SPATA16: variants seen among roughly 807,000 people sequenced by gnomAD.
SPATA16 encodes spermatogenesis associated 16.
Under a neutral mutation model 63.3 loss-of-function variants are expected in SPATA16, and 36 were observed. The observed-to-expected ratio is 0.57, with a 90% CI of 0.44 to 0.75. SPATA16 has a LOEUF of 0.75. Among genes scored for constraint, SPATA16 ranks in the 30% least tolerant of loss-of-function variants. The probability of loss-of-function intolerance (pLI) is 0.00; values close to 1 mark genes in which losing one functional copy is unlikely to be tolerated. For synonymous variants in SPATA16, 203 were observed against 216.7 expected, an observed-to-expected ratio of 0.94 and a Z score of 0.56; for missense variants, 646 against 679.3, an observed-to-expected ratio of 0.95 and a Z score of 0.54.
At chr3:173,099,597 T>C (rs1737442795) in intron 2 of SPATA16, among the ~76,000 whole-genome samples, 1 of 152,116 alleles carries the variant, frequency 6.6e-6, no homozygotes, top group South Asian at 2.1e-4. Context: ...GGTTGGAGAA[T>C]AGGGATAGAA....
chr3:173,004,378 T>C (rs770477098), intron 4 of SPATA16, among the ~76,000 whole-genome samples: 1 of 151,490 alleles, frequency 6.6e-6, no homozygotes, highest in East Asian at 1.9e-4. Flanking sequence ...TCAGGAATAA[T>C]TGAAATATCA....
At chr3:172,902,979 A>G (rs932282158) in intron 10 of SPATA16, among the ~76,000 whole-genome samples, 5 of 152,236 alleles carry the variant, frequency 3.3e-5, no homozygotes, top group African/African-American at 1.2e-4. Context: ...TGAATACACT[A>G]CAAATGACTG....
chr3:173,043,647 C>G (rs1338032941), intron 3 of SPATA16, among the ~76,000 whole-genome samples: 1 of 151,646 alleles, frequency 6.6e-6, no homozygotes, highest in Non-Finnish European at 1.5e-5. Context: ...ATATAATAGT[C>G]TTTTATATTT....
intron 5 of SPATA16, among the ~76,000 whole-genome samples, chr3:172,964,407 A>G (rs891494768): frequency 1.3e-5 from 2 of 152,226 alleles, no homozygotes; most frequent in Non-Finnish European, 2.9e-5. Flanking sequence ...ACTCAGAGTT[A>G]CAAGTGTGGG....
At chr3:173,051,178 A>G (rs893309283) in intron 2 of SPATA16, among the ~76,000 whole-genome samples, 1 of 152,110 alleles carries the variant, frequency 6.6e-6, no homozygotes, top group African/African-American at 2.4e-5. Context: ...TTATATTAAC[A>G]TTCCAGATCT....
At chr3:173,082,864 A>C (rs987533750) in intron 2 of SPATA16, among the ~76,000 whole-genome samples, 1 of 152,048 alleles carries the variant, frequency 6.6e-6, no homozygotes, top group East Asian at 1.9e-4. Flanking sequence ...CAGTCATCCA[A>C]GTTTTTTTTT....
At chr3:173,099,690 T>C (rs867691781) in intron 2 of SPATA16, among the ~76,000 whole-genome samples, 7 of 152,146 alleles carry the variant, frequency 4.6e-5, no homozygotes, top group Non-Finnish European at 1.0e-4. Flanking sequence ...GAAAGAGTAA[T>C]TTAAAATGGA....
intron 6 of SPATA16, among the ~76,000 whole-genome samples, chr3:172,949,199 T>A (rs1186567934): frequency 6.6e-6 from 1 of 151,942 alleles, no homozygotes; most frequent in Non-Finnish European, 1.5e-5. Flanking sequence ...TGTGATACCA[T>A]AGAATGTTTT....
chr3:172,976,206 A>T lies in SPATA16; in HGVS notation c.933+762T>A, dbSNP rs146344414. Among the ~76,000 whole-genome samples the T allele has an allele frequency of 4.7e-4, 72 of 152,232 alleles. No homozygotes were observed. In the East Asian group the frequency reaches 0.014, roughly 29 times the overall value. ...ATGTGGACTCATCAGAAACAATGGG[A>T]TGGAAGTTTTAAGGGAGTAGAAATT... On this transcript the variant is annotated intron_variant, in intron 5 of 10. Transcript: ENST00000351008.
Position 173,002,181 on chromosome 3 carries a change from C to T in SPATA16, c.848+17305G>A, listed in dbSNP as rs140058754. On this transcript the variant is annotated intron_variant, in intron 4 of 10. Transcript: ENST00000351008. ...ATTGGGAGTTTTTTATGCTTGGTTC[C>T]TGCATCTAATAGACATTTTTAAATA... Among the ~76,000 whole-genome samples, 123 of 152,076 alleles carry T rather than the reference C, an allele frequency of 8.1e-4. 1 individual carries two copies. Among genetic ancestry groups the T allele is most frequent in the African/African-American group, 2.9e-3 (120 of 41,466 alleles).
chr3:173,028,040 TTC>T (rs1439324553), intron 3 of SPATA16, among the ~76,000 whole-genome samples: 5 of 109,824 alleles, frequency 4.6e-5, no homozygotes, highest in African/African-American at 1.8e-4. Flanking sequence ...CCTTCCTTCC[TTC>T]CTTCCTTCCT....
intron 10 of SPATA16, among the ~76,000 whole-genome samples, chr3:172,897,056 G>T (rs1307191899): frequency 2.6e-5 from 4 of 151,964 alleles, no homozygotes. Flanking sequence ...TTTTGTAGAA[G>T]TTTTATAGTT....
At chr3:172,974,172 AGTAAATATAGACGT>A (rs1313457168) in intron 5 of SPATA16, among the ~76,000 whole-genome samples, 1 of 152,168 alleles carries the variant, frequency 6.6e-6, no homozygotes, top group Non-Finnish European at 1.5e-5. Flanking sequence ...CATGTATAAG[AGTAAATATAGACGT>A]GTTCTCAAAT....
At chr3:173,090,248 A>G (rs1737190377) in intron 2 of SPATA16, among the ~76,000 whole-genome samples, 1 of 152,034 alleles carries the variant, frequency 6.6e-6, no homozygotes, top group East Asian at 1.9e-4. Context: ...AAAAGTGTGT[A>G]GCACCTCCCT....
At chr3:173,019,738 A>G (rs1173148513) in intron 3 of SPATA16, among the ~76,000 whole-genome samples, 163 bp from the exon 4 acceptor site, 1 of 152,206 alleles carries the variant, frequency 6.6e-6, no homozygotes, top group Non-Finnish European at 1.5e-5. Flanking sequence ...GGCAATTAAG[A>G]CAAATAAACA....
At chr3:173,052,038 T>C (rs1736112460) in intron 2 of SPATA16, among the ~76,000 whole-genome samples, 1 of 152,158 alleles carries the variant, frequency 6.6e-6, no homozygotes, top group African/African-American at 2.4e-5. Flanking sequence ...CTTGAACTCC[T>C]GACCTCAGGT....
intron 2 of SPATA16, among the ~76,000 whole-genome samples, chr3:173,098,779 GT>G (rs1184043495): frequency 6.6e-6 from 1 of 152,096 alleles, no homozygotes; most frequent in East Asian, 1.9e-4. Context: ...GGCACAGATA[GT>G]AAAGGAAAAA....
chr3:173,035,829 C>T (rs1006173390), intron 3 of SPATA16, among the ~76,000 whole-genome samples: 3 of 151,964 alleles, frequency 2.0e-5, no homozygotes, highest in Non-Finnish European at 4.4e-5. Flanking sequence ...ACTGTATTGA[C>T]ATTTGCACCA....
rs370026972 is a variant in SPATA16, at chr3:172,987,963, G to T, written c.849-10911C>A. ...AAAAAAATCCCTCAGAATATATAGA[G>T]ATTATACAGCCTGATAAAATATCCT... On this transcript the variant is annotated intron_variant, in intron 4 of 10. Transcript: ENST00000351008. Among the ~76,000 whole-genome samples the T allele has an allele frequency of 1.1e-4, 17 of 152,144 alleles. 3 individuals are homozygous for T. Among genetic ancestry groups the T allele is most frequent in the Admixed American group, 3.3e-4 (5 of 15,276 alleles).
Sources: gnomAD v4.1 joint callset for allele counts (sites outside exome capture counted in the v4.1 genomes callset) on GRCh38, gnomAD v4.1.1 for gene constraint, MANE v1.5 for transcripts, NCBI Gene and HGNC (gene_info 2026-07-23, HGNC 2026-07-21) for gene names.